Variants in TRPM3 observed in about 807,000 individuals in gnomAD.
TRPM3 encodes transient receptor potential cation channel subfamily M member 3.
In TRPM3, 77 loss-of-function variants were observed where a neutral mutation model predicts 181.2. The ratio of observed to expected loss-of-function variants is 0.42; its 90% confidence interval spans 0.35 to 0.51. TRPM3 has a LOEUF of 0.51. TRPM3 is among the 20% of genes least tolerant of loss of function. The pLI, the probability that TRPM3 is intolerant of heterozygous loss-of-function variation, is 0.01. For missense variants in TRPM3, 1,759 were observed against 2,196.7 expected (o/e 0.80, Z 3.98); for synonymous variants, 745 against 796.4 (o/e 0.94, Z 1.09).
At chr9:70,695,415 T>C (rs990952070) in intron 8 of TRPM3, among the ~76,000 whole-genome samples, 3 of 152,346 alleles carry the variant, frequency 2.0e-5, no homozygotes, top group Admixed American at 1.3e-4. Context: ...TCCCTTTCCA[T>C]TGCTGTCCCT....
intron 18 of TRPM3, among the ~76,000 whole-genome samples, chr9:70,611,573 G>A (rs142905569): frequency 0.03 from 4,632 of 152,148 alleles, 243 homozygotes; most frequent in African/African-American, 0.11. Flanking sequence ...AAACCTCTTT[G>A]GTTTATAAAT....
chr9:70,795,495 T>C (rs529601993), intron 6 of TRPM3, among the ~76,000 whole-genome samples: 1 of 152,302 alleles, frequency 6.6e-6, no homozygotes, highest in African/African-American at 2.4e-5. Flanking sequence ...GAAATAGCCC[T>C]CTCCAAAGTT....
intron 8 of TRPM3, among the ~76,000 whole-genome samples, chr9:70,699,850 G>A (rs1281470228): frequency 1.3e-5 from 2 of 152,182 alleles, no homozygotes; most frequent in Admixed American, 1.3e-4. Flanking sequence ...GGGCAAAGCC[G>A]TGTGTGAGGG....
chr9:70,946,303 C>T (rs2096931580), intron 1 of TRPM3, among the ~76,000 whole-genome samples: 1 of 151,994 alleles, frequency 6.6e-6, no homozygotes, highest in Non-Finnish European at 1.5e-5. Flanking sequence ...TTTAAGGAAG[C>T]AGCATGTTAT....
At chr9:71,160,017 C>T (rs2076201392) in intron 1 of TRPM3, among the ~76,000 whole-genome samples, 1 of 152,076 alleles carries the variant, frequency 6.6e-6, no homozygotes. Flanking sequence ...GGACTCACCT[C>T]CCTACAACCC....
At chr9:71,331,148 A>G (rs1237805451) in intron 1 of TRPM3, among the ~76,000 whole-genome samples, 1 of 151,934 alleles carries the variant, frequency 6.6e-6, no homozygotes, top group Non-Finnish European at 1.5e-5. Context: ...ATAATCATAA[A>G]TGTGTGTTAA....
At chr9:71,212,077 T>C (rs542490650) in intron 1 of TRPM3, among the ~76,000 whole-genome samples, 1 of 152,192 alleles carries the variant, frequency 6.6e-6, no homozygotes, top group Non-Finnish European at 1.5e-5. Flanking sequence ...CCTCCATGCT[T>C]CAGCCTGAAC....
At chr9:71,049,820 T>C (rs2059868037) in intron 1 of TRPM3, among the ~76,000 whole-genome samples, 1 of 152,186 alleles carries the variant, frequency 6.6e-6, no homozygotes. Context: ...CTCTGTTTTC[T>C]AGTTCTGTAA....
At chr9:70,699,137 A>G (rs1433934656) in intron 8 of TRPM3, among the ~76,000 whole-genome samples, 1 of 152,236 alleles carries the variant, frequency 6.6e-6, no homozygotes, top group Non-Finnish European at 1.5e-5. Flanking sequence ...CTCTATCATT[A>G]GCAGCCTAAA....
chr9:71,344,280 T>C (rs546739265), intron 1 of TRPM3, among the ~76,000 whole-genome samples: 80 of 152,144 alleles, frequency 5.3e-4, no homozygotes, highest in African/African-American at 1.8e-3. Flanking sequence ...CGAAACCCTG[T>C]CTCTACCAAA....
At position 70,887,923 on chromosome 9, in the gene TRPM3, GT is replaced by G. The variant is rs1228347438; in HGVS notation, c.178-23413del. Among the ~76,000 whole-genome samples the G allele has an allele frequency of 9.8e-5, 15 of 152,332 alleles. No individual in the cohort carries two copies. The East Asian group carries it at 1.9e-3, about 20-fold the overall frequency. On this transcript the variant is annotated intron_variant, in intron 1 of 25. Coordinates refer to ENST00000677713, the MANE Select transcript of TRPM3 (RefSeq NM_001366145.2). ...TAATGTCAACAACTGTGCAACTGCA[GT>G]ATGACAAGTGTGAATGCCCTAATTG... is the stretch of plus-strand genomic sequence containing the variant.
At chr9:70,808,847 T>G (rs543226057) in intron 6 of TRPM3, among the ~76,000 whole-genome samples, 1 of 152,362 alleles carries the variant, frequency 6.6e-6, no homozygotes, top group East Asian at 1.9e-4. Context: ...TTTGCATGAT[T>G]GGGCTGAACA....
intron 5 of TRPM3, among the ~76,000 whole-genome samples, chr9:70,832,001 A>ATATATTTATATATATATATATATTTAT (rs1564497915): frequency 7.9e-6 from 1 of 126,066 alleles, no homozygotes; most frequent in Non-Finnish European, 1.7e-5. Flanking sequence ...ATATATACCT[A>ATATATTTATATATATATATATATTTAT]CTATGTACCC....
At chr9:70,929,630 A>ATCCTAG (rs2096755826) in intron 1 of TRPM3, among the ~76,000 whole-genome samples, 1 of 152,100 alleles carries the variant, frequency 6.6e-6, no homozygotes, top group Non-Finnish European at 1.5e-5. Flanking sequence ...GTCCTACTGG[A>ATCCTAG]TCCTAGTTGA....
chr9:70,849,542 T>G (rs7048214), intron 3 of TRPM3, among the ~76,000 whole-genome samples: 55,398 of 151,734 alleles, frequency 0.37, 10,451 homozygotes, highest in Non-Finnish European at 0.38. Flanking sequence ...AGATATTAGT[T>G]AATGTAAGGT....
At chr9:70,686,675 C>CTCCTTCCTTCTTTCCTTCCT (rs2066905363) in intron 8 of TRPM3, among the ~76,000 whole-genome samples, 2 of 82,656 alleles carry the variant, frequency 2.4e-5, no homozygotes, top group African/African-American at 9.9e-5. Context: ...TTCCTGGAAA[C>CTCCTTCCTTCTTTCCTTCCT]TCCTTCCTTC....
At chr9:71,086,313 A>C (rs535964555) in intron 1 of TRPM3, among the ~76,000 whole-genome samples, 1 of 151,936 alleles carries the variant, frequency 6.6e-6, no homozygotes, top group Non-Finnish European at 1.5e-5. Context: ...TAATATACTC[A>C]TAGGAAAAAC....
intron 1 of TRPM3, among the ~76,000 whole-genome samples, chr9:70,959,072 G>A (rs999858593): frequency 1.3e-4 from 19 of 151,258 alleles, no homozygotes; most frequent in South Asian, 4.2e-4. Context: ...GTTAATGGGT[G>A]CAGCACACCA....
At chr9:70,999,408 C>T (rs1564936477) in intron 1 of TRPM3, among the ~76,000 whole-genome samples, 1 of 152,122 alleles carries the variant, frequency 6.6e-6, no homozygotes, top group Non-Finnish European at 1.5e-5. Context: ...TGTACCTGGG[C>T]CTGAACGTGA....
Sources: allele counts gnomAD v4.1 joint callset (sites outside exome capture counted in the v4.1 genomes callset), GRCh38; gene constraint gnomAD v4.1.1; transcripts MANE v1.5; gene names NCBI Gene and HGNC (gene_info 2026-07-23, HGNC 2026-07-21).